Variants in PITPNM3 observed in about 807,000 individuals in gnomAD.
The protein encoded by PITPNM3 is PITPNM family member 3, also known as membrane-associated phosphatidylinositol transfer protein 3.
In PITPNM3, 26 loss-of-function variants were observed where a neutral mutation model predicts 102.0. That is an observed-to-expected ratio of 0.25 (90% CI 0.19 to 0.35). The LOEUF is 0.35. Among genes scored for constraint, PITPNM3 ranks in the 10% least tolerant of loss-of-function variants. PITPNM3 has a pLI of 1.00. For missense variants in PITPNM3, 1,083 were observed against 1,346.1 expected, an observed-to-expected ratio of 0.80 and a Z score of 3.06; for synonymous variants, 578 against 558.6, an observed-to-expected ratio of 1.03 and a Z score of -0.49.
Position 6,469,450 on chromosome 17 carries a change from C to T in PITPNM3, c.1773+810G>A, listed in dbSNP as rs1039006632. ...CCTACAAACAAAACTCACTTTCCTC[C>T]GCCCCCTGCCCAGCCCTGCTCTTCC... On this transcript the variant is annotated intron_variant, in intron 13 of 19. Transcript: ENST00000262483. This position sits in a 1 kb window ranked among gnomAD's most constrained non-coding sequence, Gnocchi z 4.0. Among the ~76,000 whole-genome samples the T allele has an allele frequency of 2.0e-5, 3 of 152,056 alleles. No homozygotes were observed. Among genetic ancestry groups the T allele is most frequent in the Non-Finnish European group, 4.4e-5 (3 of 67,978 alleles).
intron 4 of PITPNM3, among the ~76,000 whole-genome samples, chr17:6,496,478 C>T (rs576065484): frequency 1.1e-4 from 16 of 152,308 alleles, no homozygotes; most frequent in African/African-American, 2.9e-4. Flanking sequence ...CAGATAATTC[C>T]CACAGGAACC....
chr17:6,494,882 C>T (rs1906708874), intron 4 of PITPNM3, among the ~76,000 whole-genome samples: 1 of 152,098 alleles, frequency 6.6e-6, no homozygotes, highest in African/African-American at 2.4e-5. Flanking sequence ...TATATGTCCA[C>T]CAGTAGGGGA....
chr17:6,487,055 G>T (rs1906137897), intron 4 of PITPNM3, among the ~76,000 whole-genome samples: 1 of 152,184 alleles, frequency 6.6e-6, no homozygotes, highest in Non-Finnish European at 1.5e-5. Context: ...CTGAGACAAA[G>T]CGCTCATGCT....
intron 3 of PITPNM3, among the ~76,000 whole-genome samples, chr17:6,512,297 GAGAT>G (rs1907912349): frequency 6.6e-6 from 1 of 152,190 alleles, no homozygotes; most frequent in African/African-American, 2.4e-5. Context: ...CTATCACTCA[GAGAT>G]AGATAGGCTG....
At chr17:6,555,832 A>G (rs1163392826) in intron 1 of PITPNM3, among the ~76,000 whole-genome samples, 1 of 152,148 alleles carries the variant, frequency 6.6e-6, no homozygotes, top group Non-Finnish European at 1.5e-5. Flanking sequence ...TTTGCGTCCC[A>G]GGGTCGATGG....
intron 2 of PITPNM3, among the ~76,000 whole-genome samples, chr17:6,533,956 C>T (rs1179729486): frequency 1.3e-5 from 2 of 152,164 alleles, no homozygotes; most frequent in Non-Finnish European, 2.9e-5. Flanking sequence ...ATTCTAGCTC[C>T]CGCTCTGCCT....
chr17:6,538,466 G>A (rs1316248452), intron 1 of PITPNM3, among the ~76,000 whole-genome samples: 1 of 152,184 alleles, frequency 6.6e-6, no homozygotes, highest in Non-Finnish European at 1.5e-5. Flanking sequence ...CATACAGGTT[G>A]GAAGGGAGCT....
intron 1 of PITPNM3, among the ~76,000 whole-genome samples, chr17:6,542,876 A>T (rs2150671307): frequency 6.6e-6 from 1 of 151,892 alleles, no homozygotes; most frequent in Middle Eastern, 3.4e-3. Context: ...CTTCACTACC[A>T]CATTTATTTA....
chr17:6,461,061 T>A, intron 18 of PITPNM3: 1 of 437,692 alleles, frequency 2.3e-6, no homozygotes, highest in Non-Finnish European at 4.3e-6. Flanking sequence ...AAGCACAGAG[T>A]AAGGAACACA....
At position 6,457,783 on chromosome 17, in the gene PITPNM3, C is replaced by T. The variant is rs1914174057; in HGVS notation, c.2491-61G>A. 5.2e-6 allele frequency: 8 copies of T among 1,547,924 alleles called. No homozygotes were observed. Among genetic ancestry groups the T allele is most frequent in the Non-Finnish European group, 7.0e-6 (8 of 1,146,456 alleles). On this transcript the variant is annotated intron_variant, in intron 18 of 19. Transcript: ENST00000262483. This position sits in a 1 kb window ranked among gnomAD's most constrained non-coding sequence, Gnocchi z 4.7. ...CCAGCCCACCCCCTGGAAAGCCTTC[C>T]CAGGCCAACCCCAGGGGGCCCCTGC...
At chr17:6,525,808 C>A (rs934181678) in intron 2 of PITPNM3, among the ~76,000 whole-genome samples, 1 of 152,216 alleles carries the variant, frequency 6.6e-6, no homozygotes, top group Non-Finnish European at 1.5e-5. Context: ...CATTTGCAAG[C>A]AGTTTTTCTT....
At position 6,457,387 on chromosome 17, in the gene PITPNM3, T is replaced by C. The variant is rs1433508866; in HGVS notation, c.2619+207A>G. On this transcript the variant is annotated intron_variant, in intron 19 of 19. Transcript: ENST00000262483. The surrounding 1 kb of genome is among the most constrained non-coding windows in gnomAD (Gnocchi z 4.7). ...CATCTCGCCACTACACTGAAGTTCA[T>C]TGCATCTGGCTCCACTTGGGATTCT... Among the ~76,000 whole-genome samples the C allele has an allele frequency of 1.3e-5, 2 of 152,236 alleles. No individual in the cohort carries two copies. Among genetic ancestry groups the C allele is most frequent in the African/African-American group, 4.8e-5 (2 of 41,460 alleles).
At chr17:6,496,677 T>C (rs1906844961) in intron 4 of PITPNM3, among the ~76,000 whole-genome samples, 2 of 152,204 alleles carry the variant, frequency 1.3e-5, no homozygotes, top group African/African-American at 2.4e-5. Flanking sequence ...TTTTGCTCTA[T>C]TTTATCCCCA....
rs1284828710 is a variant in PITPNM3 at position 6,478,730 on chromosome 17, G to A, written c.594C>T (p.Asn198=). The change falls in exon 7 of 20, where the codon AAC becomes AAT. Residue 198 remains asparagine (N), a synonymous_variant. Transcript: ENST00000262483. This position sits in a 1 kb window ranked among gnomAD's most constrained non-coding sequence, Gnocchi z 4.4. ...GGCAGCCCTCATCGTGGCTGTAGGG[G>A]TTCAGGCTGCAGACAGGGGGCCCAA... is the stretch of plus-strand genomic sequence containing the variant. ...SEAFSLVSHL[N]PYSHDEGCLS... 1 of 1,572,202 alleles carries A rather than the reference G, an allele frequency of 6.4e-7. No individual in the cohort carries two copies. The highest frequency in any genetic ancestry group is 1.3e-5 in the African/African-American group (1 of 74,332).
intron 18 of PITPNM3, among the ~76,000 whole-genome samples, chr17:6,461,160 G>C (rs558183913): frequency 5.3e-5 from 8 of 152,322 alleles, no homozygotes; most frequent in East Asian, 3.9e-4. Context: ...CAGATCTAGG[G>C]CAAGTTGCCG....
chr17:6,508,754 C>T (rs1468240466), intron 3 of PITPNM3, among the ~76,000 whole-genome samples: 3 of 152,100 alleles, frequency 2.0e-5, no homozygotes, highest in Admixed American at 6.5e-5. Context: ...AGGCCACCGA[C>T]GGGGTCAGGA....
At chr17:6,539,175 T>C (rs1909604265) in intron 1 of PITPNM3, among the ~76,000 whole-genome samples, 1 of 152,116 alleles carries the variant, frequency 6.6e-6, no homozygotes, top group African/African-American at 2.4e-5. Context: ...TAGTCACCTC[T>C]AGGTACAAGG....
In PITPNM3 at chr17:6,452,179, C is replaced by CGA; in HGVS notation, c.*3158_*3159insTC. 6.6e-6 allele frequency: 1 copy of CGA among 152,164 alleles called. No homozygotes were observed. The highest frequency in any genetic ancestry group is 1.5e-5 in the Non-Finnish European group (1 of 68,036). 9.4% of individuals were successfully genotyped at this position (152,164 alleles called of 1,614,324 possible). ...ACCCAGACAAGAGGGCCGTTCATCC[C>CGA]AATGCATGAAAGGAGTCTGCTTTTT... On this transcript the variant is annotated 3_prime_UTR_variant, in exon 20 of 20. Coordinates refer to ENST00000262483, the MANE Select transcript of PITPNM3 (RefSeq NM_031220.4).
chr17:6,554,931 G>A (rs1910519807), intron 1 of PITPNM3, among the ~76,000 whole-genome samples: 1 of 152,230 alleles, frequency 6.6e-6, no homozygotes, highest in Non-Finnish European at 1.5e-5. Context: ...TGCGATGACA[G>A]TGCCCTGGCA....
Sources: allele counts gnomAD v4.1 joint callset (sites outside exome capture counted in the v4.1 genomes callset), GRCh38; gene constraint gnomAD v4.1.1; non-coding constraint Gnocchi (gnomAD v3.1); transcripts MANE v1.5; gene names NCBI Gene and HGNC (gene_info 2026-07-23, HGNC 2026-07-21).